Variants in WWOX observed in about 807,000 individuals in gnomAD.
WWOX encodes the protein WW domain containing oxidoreductase.
Under a neutral mutation model 46.2 loss-of-function variants are expected in WWOX, and 69 were observed. The observed-to-expected ratio is 1.49, with a 90% CI of 1.23 to 1.82. WWOX has a LOEUF of 1.82. Among genes scored for constraint, WWOX ranks in the 40% most tolerant of loss-of-function variants. The pLI is 0.00. For synonymous variants in WWOX, 359 were observed against 202.6 expected (o/e 1.77, Z -6.56); for missense variants, 919 against 542.6 (o/e 1.69, Z -6.89).
At chr16:78,378,616 C>T (rs749739354) in intron 5 of WWOX, among the ~76,000 whole-genome samples, 7 of 152,164 alleles carry the variant, frequency 4.6e-5, no homozygotes, top group African/African-American at 1.2e-4. Flanking sequence ...CTGTGCTCAA[C>T]GCCAGTGTCT....
rs945283356 is a variant in WWOX, at chr16:78,343,815, C to T, written c.517-43045C>T. Reference sequence around the variant, plus strand: ...TTGCTCTCAGTTCTTTGTCATTCAGCTGCTTTAATATTAATATGACACCCG... The same window carrying T: ...TTGCTCTCAGTTCTTTGTCATTCAGTTGCTTTAATATTAATATGACACCCG... On this transcript the variant is annotated intron_variant, in intron 5 of 8. Transcript: ENST00000566780. 2.5e-5 allele frequency among the ~76,000 whole-genome samples: 3 copies of T among 120,316 alleles called. 1 individual carries two copies. The South Asian group carries it at 7.5e-4, about 30-fold the overall frequency. The allele number at this position is 120,316 out of a possible 152,430, so 78.9% of individuals were successfully genotyped here.
intron 5 of WWOX, among the ~76,000 whole-genome samples, chr16:78,292,081 TC>T (rs372344334): frequency 0.033 from 4,693 of 144,298 alleles, 126 homozygotes; most frequent in Non-Finnish European, 0.047. Context: ...TTTTTTTTTT[TC>T]CCTTGAGACA....
chr16:78,999,241 C>T (rs1014202575), intron 8 of WWOX, among the ~76,000 whole-genome samples: 2 of 151,828 alleles, frequency 1.3e-5, no homozygotes, highest in Admixed American at 6.6e-5. Flanking sequence ...GAGGCCAATG[C>T]AGGCGGATCA....
intron 8 of WWOX, among the ~76,000 whole-genome samples, chr16:78,991,269 A>T (rs1404055906): frequency 2.0e-5 from 3 of 152,142 alleles, no homozygotes; most frequent in Non-Finnish European, 4.4e-5. Flanking sequence ...TGGCAATGAG[A>T]CAGCAAGCTT....
At chr16:78,244,797 T>C (rs929144036) in intron 5 of WWOX, among the ~76,000 whole-genome samples, 1 of 151,872 alleles carries the variant, frequency 6.6e-6, no homozygotes, top group Admixed American at 6.5e-5. Flanking sequence ...TGAATTCTCA[T>C]AGGAGCAAAA....
At chr16:78,999,014 G>A (rs148960708) in intron 8 of WWOX, among the ~76,000 whole-genome samples, 1,720 of 152,288 alleles carry the variant, frequency 0.011, 27 homozygotes, top group Non-Finnish European at 0.013. Flanking sequence ...CACCTTCTAG[G>A]AACCAAATGG....
intron 4 of WWOX, among the ~76,000 whole-genome samples, chr16:78,157,228 G>T (rs2034636570): frequency 6.6e-6 from 1 of 152,150 alleles, no homozygotes; most frequent in African/African-American, 2.4e-5. Flanking sequence ...GTTGTGTTTG[G>T]TCACTGTGTT....
At position 78,930,705 on chromosome 16, in the gene WWOX, A is replaced by G. The variant is rs139671910; in HGVS notation, c.1057-280903A>G. On this transcript the variant is annotated intron_variant, in intron 8 of 8. Coordinates refer to ENST00000566780, the MANE Select transcript of WWOX (RefSeq NM_016373.4). ...AGTAAATGTATCAAGGACAAAGAGC[A>G]GAATGAAAAAATGAGTGAGTAAAGT... is the stretch of plus-strand genomic sequence containing the variant. Among the ~76,000 whole-genome samples, 768 of 152,206 alleles carry G rather than the reference A, an allele frequency of 5.0e-3. 10 individuals are homozygous for G. Among genetic ancestry groups the G allele is most frequent in the African/African-American group, 0.017 (725 of 41,512 alleles).
chr16:78,578,280 A>ATTT lies in WWOX; in HGVS notation c.1056+145529_1056+145530insTTT, dbSNP rs1433554555. On this transcript the variant is annotated intron_variant, in intron 8 of 8. Transcript: ENST00000566780. ...TATATATATATATATATATATATAT[A>ATTT]TATATTTTTTTTTTTTTTTTTTTTT... 6.1e-3 allele frequency among the ~76,000 whole-genome samples: 215 copies of ATTT among 35,390 alleles called. 5 individuals are homozygous for ATTT. Among genetic ancestry groups the ATTT allele is most frequent in the Middle Eastern group, 0.01 (1 of 96 alleles). The allele number at this position is 35,390 out of a possible 152,430, so 23.2% of individuals were successfully genotyped here.
chr16:78,228,337 CTCT>C (rs2037136978), intron 5 of WWOX, among the ~76,000 whole-genome samples: 2 of 114,898 alleles, frequency 1.7e-5, no homozygotes, highest in African/African-American at 3.7e-5. Flanking sequence ...ATCATATTCT[CTCT>C]TTTTTTTTTT....
At chr16:79,114,827 G>A (rs939107374) in intron 8 of WWOX, among the ~76,000 whole-genome samples, 5 of 152,198 alleles carry the variant, frequency 3.3e-5, no homozygotes, top group Admixed American at 6.5e-5. Flanking sequence ...TCAAGGGGCC[G>A]TGGGTGACAG....
chr16:79,211,963 A>G lies in WWOX; in HGVS notation c.*167A>G. The G allele has an allele frequency of 6.5e-7, 1 of 1,535,638 alleles. No individual in the cohort carries two copies. The highest frequency in any genetic ancestry group is 8.7e-7 in the Non-Finnish European group (1 of 1,146,850). ...AAAATCTTAAGTACCAATGGGAAGC[A>G]GGGAATTCCTGGGGTAAAGTATCAC... On this transcript the variant is annotated 3_prime_UTR_variant, in exon 9 of 9. Transcript: ENST00000566780.
At chr16:78,848,841 T>A (rs543854307) in intron 8 of WWOX, among the ~76,000 whole-genome samples, 2 of 152,130 alleles carry the variant, frequency 1.3e-5, no homozygotes, top group Admixed American at 6.5e-5. Context: ...TAACCTCCTC[T>A]GAGATTCTGT....
chr16:78,242,672 G>T (rs2037693239), intron 5 of WWOX, among the ~76,000 whole-genome samples: 1 of 152,126 alleles, frequency 6.6e-6, no homozygotes, highest in South Asian at 2.1e-4. Flanking sequence ...GGAACCCATG[G>T]CTAATAGGGG....
intron 8 of WWOX, among the ~76,000 whole-genome samples, chr16:79,189,606 A>G (rs1396963019): frequency 6.6e-6 from 1 of 151,990 alleles, no homozygotes; most frequent in Non-Finnish European, 1.5e-5. Flanking sequence ...CAGCCTAGGA[A>G]AGCATATTTT....
chr16:78,693,588 G>A (rs1326599202), intron 8 of WWOX, among the ~76,000 whole-genome samples: 1 of 152,164 alleles, frequency 6.6e-6, no homozygotes, highest in Non-Finnish European at 1.5e-5. Flanking sequence ...CTCCTCTAGG[G>A]CAGTGGAGAC....
At chr16:78,558,223 T>C (rs1403342268) in intron 8 of WWOX, among the ~76,000 whole-genome samples, 3 of 152,210 alleles carry the variant, frequency 2.0e-5, no homozygotes, top group Non-Finnish European at 4.4e-5. Flanking sequence ...TTCCGATCCC[T>C]GGGTAAGAAG....
intron 8 of WWOX, among the ~76,000 whole-genome samples, chr16:78,457,956 T>TA (rs2083861607): frequency 6.8e-6 from 1 of 146,852 alleles, no homozygotes; most frequent in African/African-American, 2.6e-5. Context: ...CAGGTGCCTG[T>TA]AATCACAGCT....
At chr16:78,575,043 ATATATATATATATATAT>A (rs2044831471) in intron 8 of WWOX, among the ~76,000 whole-genome samples, 1 of 5,498 alleles carries the variant, frequency 1.8e-4, no homozygotes, top group African/African-American at 6.5e-4. Context: ...ATATATATAT[ATATATATATATATATAT>A]ATATATATAT....
Sources: allele counts gnomAD v4.1 joint callset (sites outside exome capture counted in the v4.1 genomes callset), GRCh38; gene constraint gnomAD v4.1.1; transcripts MANE v1.5; gene names NCBI Gene and HGNC (gene_info 2026-07-23, HGNC 2026-07-21).